The following NKAIN3 variants were observed in gnomAD, a reference collection of about 807,000 sequenced individuals.
NKAIN3 encodes sodium/potassium transporting ATPase interacting 3.
In NKAIN3, 25 loss-of-function variants were observed where a neutral mutation model predicts 30.2. That is an observed-to-expected ratio of 0.83 (90% confidence interval 0.60 to 1.16). The LOEUF (loss-of-function observed/expected upper bound fraction) is 1.16. Ranked by LOEUF, NKAIN3 falls within the 50% of genes most tolerant of loss-of-function variation. NKAIN3 has a pLI of 0.00. For synonymous variants in NKAIN3, 91 were observed against 89.6 expected, an observed-to-expected ratio of 1.02 and a Z score of -0.09; for missense variants, 225 against 254.1, an observed-to-expected ratio of 0.89 and a Z score of 0.78.
At chr8:62,850,984 T>C (rs1291221617) in intron 4 of NKAIN3, among the ~76,000 whole-genome samples, 1 of 152,096 alleles carries the variant, frequency 6.6e-6, no homozygotes, top group East Asian at 1.9e-4. Context: ...TTTTTCCAAT[T>C]CTGTGAAGAA....
chr8:62,791,047 G>A (rs2130672761), intron 4 of NKAIN3, among the ~76,000 whole-genome samples: 1 of 152,112 alleles, frequency 6.6e-6, no homozygotes, highest in African/African-American at 2.4e-5. Context: ...GAGTATATCA[G>A]CAGAAGCTTC....
At chr8:62,531,171 G>A (rs1456898289) in intron 1 of NKAIN3, among the ~76,000 whole-genome samples, 2 of 152,098 alleles carry the variant, frequency 1.3e-5, no homozygotes, top group Non-Finnish European at 2.9e-5. Context: ...GTCTCTGTGG[G>A]ACACATCAGC....
intron 1 of NKAIN3, among the ~76,000 whole-genome samples, chr8:62,270,341 C>G (rs1662465263): frequency 1.3e-5 from 2 of 152,102 alleles, no homozygotes; most frequent in Non-Finnish European, 2.9e-5. Context: ...CTTGGCCTCT[C>G]AAAGTGCTGG....
intron 1 of NKAIN3, among the ~76,000 whole-genome samples, chr8:62,290,751 C>T (rs942400596): frequency 1.2e-4 from 19 of 152,234 alleles, no homozygotes; most frequent in Non-Finnish European, 2.2e-4. Context: ...ATATTGGCCT[C>T]GTAAAATGAA....
At chr8:62,995,599 A>T (rs1342721507) in intron 5 of NKAIN3, among the ~76,000 whole-genome samples, 1 of 152,210 alleles carries the variant, frequency 6.6e-6, no homozygotes, top group Non-Finnish European at 1.5e-5. Flanking sequence ...GGTAGAAGGA[A>T]GATGGAGGAA....
chr8:62,436,613 A>AT (rs1805182263), intron 1 of NKAIN3, among the ~76,000 whole-genome samples: 1 of 152,196 alleles, frequency 6.6e-6, no homozygotes, highest in Non-Finnish European at 1.5e-5. Context: ...GTAATATGTA[A>AT]ACACATAGAA....
chr8:62,843,752 C>T (rs1019771015), intron 4 of NKAIN3, among the ~76,000 whole-genome samples: 1 of 152,078 alleles, frequency 6.6e-6, no homozygotes, highest in Non-Finnish European at 1.5e-5. Flanking sequence ...TTTGCCACAG[C>T]AACAATAGGG....
At position 62,975,401 on chromosome 8, in the gene NKAIN3, T is replaced by C. The variant is rs186770298; in HGVS notation, c.*9994T>C. On this transcript the variant is annotated 3_prime_UTR_variant, in exon 7 of 7. Coordinates refer to ENST00000623646, the MANE Select transcript of NKAIN3 (RefSeq NM_001304533.3). ...CCTGGGTTAGTCATGGTAGGGTGAATGTGTCCAGGAATTTATCCATTTCTT... is the reference window on the plus strand; with the variant it reads ...CCTGGGTTAGTCATGGTAGGGTGAACGTGTCCAGGAATTTATCCATTTCTT... 4.9e-4 allele frequency among the ~76,000 whole-genome samples: 74 copies of C among 152,318 alleles called. No individual in the cohort carries two copies. Among genetic ancestry groups the C allele is most frequent in the African/African-American group, 1.7e-3 (71 of 41,570 alleles).
chr8:62,284,392 G>A (rs1813302530), intron 1 of NKAIN3, among the ~76,000 whole-genome samples: 1 of 152,060 alleles, frequency 6.6e-6, no homozygotes, highest in African/African-American at 2.4e-5. Flanking sequence ...TACTTTGGGA[G>A]GTCGAGGGCA....
intron 1 of NKAIN3, among the ~76,000 whole-genome samples, chr8:62,538,223 G>A (rs1406338289): frequency 6.6e-6 from 1 of 152,156 alleles, no homozygotes; most frequent in Non-Finnish European, 1.5e-5. Context: ...TGCCCAGGCT[G>A]GAGTGCAGTG....
At chr8:62,264,858 C>T (rs1408374869) in intron 1 of NKAIN3, among the ~76,000 whole-genome samples, 2 of 152,140 alleles carry the variant, frequency 1.3e-5, no homozygotes, top group Non-Finnish European at 2.9e-5. Context: ...CTGCGTCACA[C>T]CATGAATCTT....
At chr8:62,468,799 TCTGGAAGTAA>T (rs2129599905) in intron 1 of NKAIN3, among the ~76,000 whole-genome samples, 1 of 152,298 alleles carries the variant, frequency 6.6e-6, no homozygotes, top group African/African-American at 2.4e-5. Flanking sequence ...GGGTAAGATT[TCTGGAAGTAA>T]CTGGCATCAT....
intron 3 of NKAIN3, among the ~76,000 whole-genome samples, chr8:62,677,164 C>T (rs936911048): frequency 6.6e-6 from 1 of 152,130 alleles, no homozygotes; most frequent in East Asian, 1.9e-4. Flanking sequence ...TACTGAGGTG[C>T]GTTCTCAGAA....
intron 1 of NKAIN3, among the ~76,000 whole-genome samples, chr8:62,571,135 G>C (rs1357185317): frequency 8.5e-6 from 1 of 117,728 alleles, no homozygotes; most frequent in Admixed American, 1.1e-4. Context: ...ATTGAAATAG[G>C]CTTATTTTTT....
chr8:62,919,911 T>TG (rs1822228189), intron 5 of NKAIN3, among the ~76,000 whole-genome samples: 4 of 152,140 alleles, frequency 2.6e-5, no homozygotes, highest in Admixed American at 6.5e-5. Context: ...ACAGAGTTTT[T>TG]TTTTTTTTTT....
intron 1 of NKAIN3, among the ~76,000 whole-genome samples, chr8:62,552,887 T>G (rs1809260828): frequency 6.6e-6 from 1 of 152,150 alleles, no homozygotes; most frequent in Admixed American, 6.6e-5. Context: ...CAGGGTTACA[T>G]GAAGTTGGCC....
intron 1 of NKAIN3, among the ~76,000 whole-genome samples, chr8:62,266,335 C>T (rs1457795277): frequency 3.3e-5 from 5 of 152,030 alleles, no homozygotes; most frequent in Non-Finnish European, 7.4e-5. Flanking sequence ...TGAAATAGTT[C>T]GAGATTTATG....
chr8:62,775,087 T>A (rs1346247091), intron 4 of NKAIN3, among the ~76,000 whole-genome samples: 1 of 152,158 alleles, frequency 6.6e-6, no homozygotes, highest in Non-Finnish European at 1.5e-5. Context: ...AGGTACTTGT[T>A]ATTGGGCTGT....
At chr8:62,428,742 G>T (rs774561230) in intron 1 of NKAIN3, among the ~76,000 whole-genome samples, 4 of 151,746 alleles carry the variant, frequency 2.6e-5, no homozygotes, top group Admixed American at 6.6e-5. Context: ...TACCCTTTCA[G>T]ATATTTTTGC....
Sources: gnomAD v4.1 joint callset for allele counts (sites outside exome capture counted in the v4.1 genomes callset) on GRCh38, gnomAD v4.1.1 for gene constraint, MANE v1.5 for transcripts, NCBI Gene and HGNC (gene_info 2026-07-23, HGNC 2026-07-21) for gene names.